DNAJC1: variants seen among roughly 807,000 people sequenced by gnomAD.
DNAJC1 encodes the protein DnaJ heat shock protein family (Hsp40) member C1, also known as dnaJ homolog subfamily C member 1.
Under a neutral mutation model 76.6 loss-of-function variants are expected in DNAJC1, and 58 were observed. The ratio of observed to expected loss-of-function variants is 0.76; its 90% CI spans 0.61 to 0.94. The LOEUF is 0.94. Among genes scored for constraint, DNAJC1 ranks in the 40% least tolerant of loss-of-function variants. The pLI, the probability that DNAJC1 is intolerant of heterozygous loss-of-function variation, is 0.00. For missense variants in DNAJC1, 689 were observed against 677.3 expected, an observed-to-expected ratio of 1.02 and a Z score of -0.19; for synonymous variants, 258 against 267.9, an observed-to-expected ratio of 0.96 and a Z score of 0.36.
chr10:21,862,841 G>A (rs1835938602), intron 8 of DNAJC1, among the ~76,000 whole-genome samples: 1 of 152,052 alleles, frequency 6.6e-6, no homozygotes. Flanking sequence ...AATTAGAAAA[G>A]GAAGACCAAG....
intron 1 of DNAJC1, among the ~76,000 whole-genome samples, chr10:21,934,203 A>G (rs1014407066): frequency 6.6e-6 from 1 of 151,714 alleles, no homozygotes; most frequent in African/African-American, 2.4e-5. Context: ...ATTTTTAACA[A>G]CAAAGTTTAA....
At chr10:21,787,812 A>G (rs893203348) in intron 9 of DNAJC1, among the ~76,000 whole-genome samples, 1 of 152,230 alleles carries the variant, frequency 6.6e-6, no homozygotes, top group African/African-American at 2.4e-5. Context: ...CACAGGCACT[A>G]AGCCCAGCTG....
At chr10:21,938,272 A>G (rs1268266921) in intron 1 of DNAJC1, among the ~76,000 whole-genome samples, 3 of 152,090 alleles carry the variant, frequency 2.0e-5, no homozygotes, top group Admixed American at 6.6e-5. Context: ...AATGAAAACG[A>G]AAACATACCA....
chr10:21,776,029 T>G (rs117915587), intron 9 of DNAJC1, among the ~76,000 whole-genome samples: 2,244 of 152,258 alleles, frequency 0.015, 20 homozygotes, highest in Non-Finnish European at 0.025. Context: ...GCTTATGCAA[T>G]TGGGGACCTA....
Position 21,813,094 on chromosome 10 carries a change from C to CATATATATATATATATATATATAT in DNAJC1, c.979-6996_979-6995insATATATATATATATATATATATAT, listed in dbSNP as rs1451322364. On this transcript the variant is annotated intron_variant, in intron 8 of 11. Transcript: ENST00000376980. ...ACATATATATACATATATACACACA[C>CATATATATATATATATATATATAT]ACATATATATATATATATATATACA... 3.4e-4 allele frequency among the ~76,000 whole-genome samples: 23 copies of CATATATATATATATATATATATAT among 66,746 alleles called. 1 individual carries two copies. The highest frequency in any genetic ancestry group is 1.2e-3 in the Admixed American group (8 of 6,750). 43.8% of individuals were successfully genotyped at this position (66,746 alleles called of 152,430 possible). A position where few individuals can be genotyped will look rare whatever the true frequency, so the allele number is the denominator to read the frequency against.
chr10:21,977,897 TC>T (rs1838091425), intron 1 of DNAJC1, among the ~76,000 whole-genome samples: 1 of 152,148 alleles, frequency 6.6e-6, no homozygotes, highest in Non-Finnish European at 1.5e-5. Flanking sequence ...TAAGTAAATT[TC>T]TTTTCAAAGT....
chr10:21,788,327 G>A (rs971743749), intron 9 of DNAJC1, among the ~76,000 whole-genome samples: 2 of 152,200 alleles, frequency 1.3e-5, no homozygotes, highest in Non-Finnish European at 2.9e-5. Flanking sequence ...TTAGGCCAGA[G>A]CTATAGCAGC....
intron 8 of DNAJC1, among the ~76,000 whole-genome samples, chr10:21,836,364 G>A (rs1213744310): frequency 6.6e-6 from 1 of 152,182 alleles, no homozygotes; most frequent in Non-Finnish European, 1.5e-5. Context: ...ACCAGCCACT[G>A]CAAAAAACAT....
intron 1 of DNAJC1, among the ~76,000 whole-genome samples, chr10:21,966,598 TTC>T (rs1284419807): frequency 6.6e-6 from 1 of 152,116 alleles, no homozygotes; most frequent in Non-Finnish European, 1.5e-5. Flanking sequence ...ACTATCGTCA[TTC>T]TGTTATCTAA....
chr10:21,811,287 A>C (rs1196400773), intron 8 of DNAJC1, among the ~76,000 whole-genome samples: 1 of 152,226 alleles, frequency 6.6e-6, no homozygotes, highest in Non-Finnish European at 1.5e-5. Flanking sequence ...TAGCACCCAC[A>C]GTTTCTTTTA....
Position 21,925,143 on chromosome 10 carries a change from T to G in DNAJC1, c.371+3363A>C, listed in dbSNP as rs377165834. Reference sequence around the variant, plus strand: ...CCTCCCATCTCAGCCACCCAAGTAGTTGGGACTACAGGCATGCAACACTAC... The same window carrying G: ...CCTCCCATCTCAGCCACCCAAGTAGGTGGGACTACAGGCATGCAACACTAC... On this transcript the variant is annotated intron_variant, in intron 3 of 11. Coordinates refer to ENST00000376980, the MANE Select transcript of DNAJC1 (RefSeq NM_022365.4). Among the ~76,000 whole-genome samples the G allele has an allele frequency of 2.6e-5, 4 of 152,018 alleles. No homozygotes were observed. The East Asian group carries it at 7.7e-4, about 29-fold the overall frequency.
At chr10:21,771,532 T>C (rs1419905948) in intron 9 of DNAJC1, among the ~76,000 whole-genome samples, 2 of 152,192 alleles carry the variant, frequency 1.3e-5, no homozygotes, top group African/African-American at 4.8e-5. Context: ...GCAGTCTCGC[T>C]CTGTTGCCCA....
chr10:21,878,725 A>G (rs1218117311), intron 8 of DNAJC1, among the ~76,000 whole-genome samples: 1 of 152,100 alleles, frequency 6.6e-6, no homozygotes, highest in Non-Finnish European at 1.5e-5. Flanking sequence ...ATATAAGTGG[A>G]CCTATGCAGT....
intron 1 of DNAJC1, among the ~76,000 whole-genome samples, chr10:21,999,527 C>T (rs12246401): frequency 0.011 from 1,539 of 136,608 alleles, 38 homozygotes; most frequent in African/African-American, 0.04. Context: ...ACAATCTTGG[C>T]TCACTGCAAC....
intron 8 of DNAJC1, among the ~76,000 whole-genome samples, chr10:21,848,025 AG>A (rs1312542018): frequency 6.6e-6 from 1 of 152,180 alleles, no homozygotes; most frequent in East Asian, 1.9e-4. Flanking sequence ...AGTTTCTTGA[AG>A]AATGTCCATA....
intron 1 of DNAJC1, among the ~76,000 whole-genome samples, chr10:21,985,628 G>A (rs1380087609): frequency 6.6e-6 from 1 of 152,194 alleles, no homozygotes; most frequent in Non-Finnish European, 1.5e-5. Flanking sequence ...GTTGTTTTGA[G>A]TCTGAATCCT....
chr10:21,807,871 G>A (rs957295463), intron 8 of DNAJC1, among the ~76,000 whole-genome samples: 2 of 152,174 alleles, frequency 1.3e-5, no homozygotes, highest in Non-Finnish European at 1.5e-5. Context: ...AAATTTACAC[G>A]GAGGGTTTTT....
chr10:21,877,389 A>G lies in DNAJC1; in HGVS notation c.978+4893T>C, dbSNP rs115560441. Among the ~76,000 whole-genome samples the G allele has an allele frequency of 7.8e-3, 1,191 of 152,138 alleles. 15 individuals are homozygous for G. Among genetic ancestry groups the G allele is most frequent in the African/African-American group, 0.027 (1,103 of 41,528 alleles). On this transcript the variant is annotated intron_variant, in intron 8 of 11. Transcript: ENST00000376980. ...TAGTAAGTTCTAGTCATCAAAAGAC[A>G]CCACTAAGAACAAAAAAAGGCCAAG...
chr10:21,766,217 A>G (rs1247298265), intron 10 of DNAJC1, 44 bp downstream of exon 10: 2 of 1,417,512 alleles, frequency 1.4e-6, no homozygotes, highest in East Asian at 2.3e-5. Flanking sequence ...TTAATTTAGA[A>G]GAAACCACTT....
Sources: allele counts gnomAD v4.1 joint callset (sites outside exome capture counted in the v4.1 genomes callset), GRCh38; gene constraint gnomAD v4.1.1; transcripts MANE v1.5; gene names NCBI Gene and HGNC (gene_info 2026-07-23, HGNC 2026-07-21).